KANTR: variants seen among roughly 807,000 people sequenced by gnomAD.
KANTR encodes KANTR integral membrane protein.
exon 1 of KANTR, chrX:53,094,279 T>G (rs1556810475): frequency 9.3e-6 from 1 of 107,215 alleles, no homozygotes; most frequent in African/African-American, 3.4e-5. Flanking sequence ...CGGCCGGAGG[T>G]GTACGGTGAG....
At chrX:53,127,973 A>G (rs1933310360), downstream of KANTR, among the ~76,000 whole-genome samples, 1 of 111,348 alleles carries the variant, frequency 9.0e-6, no homozygotes, top group Non-Finnish European at 1.9e-5. Context: ...GGAGATACCC[A>G]TAGGAGGGTA....
intron 2 of KANTR, among the ~76,000 whole-genome samples, chrX:53,118,829 C>T (rs781976140): frequency 2.7e-5 from 3 of 109,802 alleles, no homozygotes; most frequent in South Asian, 3.9e-4. Flanking sequence ...TGGTCGTGAA[C>T]TCCTGTGCTC....
At chrX:53,112,030 A>T (rs1933049911) in intron 2 of KANTR, among the ~76,000 whole-genome samples, 1 of 110,116 alleles carries the variant, frequency 9.1e-6, no homozygotes, top group Non-Finnish European at 1.9e-5. Context: ...TTACATGGGT[A>T]AATTCTTTAG....
At chrX:53,139,486 G>C (rs1172777406) in intron 2 of KANTR, among the ~76,000 whole-genome samples, 1 of 111,343 alleles carries the variant, frequency 9.0e-6, no homozygotes, top group African/African-American at 3.3e-5. Context: ...ACCAACAAGG[G>C]ATTTGATACC....
downstream of KANTR, among the ~76,000 whole-genome samples, chrX:53,128,389 C>T: frequency 9.0e-6 from 1 of 111,440 alleles, no homozygotes; most frequent in Non-Finnish European, 1.9e-5. Flanking sequence ...CTAAGGAATA[C>T]ACAACCCAGC....
chrX:53,107,323 T>TTG, intron 2 of KANTR, among the ~76,000 whole-genome samples: 1 of 97,796 alleles, frequency 1.0e-5, no homozygotes, highest in African/African-American at 3.9e-5. Context: ...TTTTTTTTTT[T>TTG]GTAGAGACAG....
At chrX:53,118,484 G>C (rs1343874612) in intron 2 of KANTR, among the ~76,000 whole-genome samples, 8 of 111,758 alleles carry the variant, frequency 7.2e-5, no homozygotes, top group Non-Finnish European at 1.9e-5. Context: ...AATTTTTCTG[G>C]GTACAATGGC....
chrX:53,137,823 A>G (rs1027885434), intron 2 of KANTR, among the ~76,000 whole-genome samples: 1 of 108,869 alleles, frequency 9.2e-6, no homozygotes, highest in Non-Finnish European at 1.9e-5. Context: ...TTATCATTCT[A>G]TATCTTGTTT....
intron 2 of KANTR, among the ~76,000 whole-genome samples, chrX:53,112,005 A>AC (rs1933049628): frequency 9.0e-6 from 1 of 110,523 alleles, no homozygotes; most frequent in Non-Finnish European, 1.9e-5. Flanking sequence ...TTTTTGGGGA[A>AC]CAGGTGGTGG....
intron 2 of KANTR, among the ~76,000 whole-genome samples, chrX:53,133,728 C>G (rs1252486576): frequency 9.0e-6 from 1 of 111,459 alleles, no homozygotes; most frequent in East Asian, 2.8e-4. Flanking sequence ...TTAGAGCGGC[C>G]CATTCCCTGT....
chrX:53,141,892 C>T (rs1391928426), exon 3 of KANTR: 17 of 484,445 alleles, frequency 3.5e-5, no homozygotes, highest in Admixed American at 2.0e-4. Flanking sequence ...TAACAGCCCA[C>T]GGTGTTCTGG....
At chrX:53,120,776 C>T (rs1009806552) in intron 2 of KANTR, among the ~76,000 whole-genome samples, 4 of 111,050 alleles carry the variant, frequency 3.6e-5, no homozygotes, top group Non-Finnish European at 7.5e-5. Flanking sequence ...GGCTGGAGTG[C>T]AGTGGCGTGA....
chrX:53,127,251 T>A (rs1356522717), exon 3 of KANTR: 2 of 112,311 alleles, frequency 1.8e-5, no homozygotes, highest in Admixed American at 1.9e-4. Flanking sequence ...TATGTATGTT[T>A]TTCTACAAAG....
downstream of KANTR, among the ~76,000 whole-genome samples, chrX:53,130,159 G>A (rs944193114): frequency 3.6e-5 from 4 of 112,003 alleles, no homozygotes; most frequent in African/African-American, 6.5e-5. Flanking sequence ...GAGCCACCGC[G>A]CCTGACCCTA....
downstream of KANTR, among the ~76,000 whole-genome samples, chrX:53,144,198 CA>C (rs1414842052): frequency 2.7e-5 from 3 of 111,378 alleles, no homozygotes; most frequent in Non-Finnish European, 5.6e-5. Context: ...AGTTCGAGAC[CA>C]GCTTGGGAAA....
At chrX:53,143,416 G>A (rs1377286686), downstream of KANTR, 35 of 634,894 alleles carry the variant, frequency 5.5e-5, no homozygotes, top group South Asian at 2.7e-4. Flanking sequence ...CATGGCCCTC[G>A]TAGATGGGTA....
At chrX:53,097,349 A>C (rs1347911990) in intron 1 of KANTR, among the ~76,000 whole-genome samples, 1 of 42,527 alleles carries the variant, frequency 2.4e-5, no homozygotes. Flanking sequence ...ATTTGTTTTA[A>C]GTTTTTTTTT....
intron 2 of KANTR, among the ~76,000 whole-genome samples, chrX:53,137,895 C>A (rs1556817885): frequency 9.1e-6 from 1 of 109,498 alleles, no homozygotes; most frequent in Non-Finnish European, 1.9e-5. Context: ...TGGCCTATAT[C>A]TTGGTTTTTT....
exon 3 of KANTR, chrX:53,124,990 T>C (rs1933276716): frequency 8.9e-6 from 1 of 112,160 alleles, no homozygotes; most frequent in Non-Finnish European, 1.9e-5. Context: ...GGTCATTATC[T>C]ACTGATAATT....
Sources: gnomAD v4.1 joint callset for allele counts (sites outside exome capture counted in the v4.1 genomes callset) on GRCh38, gnomAD v4.1.1 for gene constraint, MANE v1.5 for transcripts, NCBI Gene and HGNC (gene_info 2026-07-23, HGNC 2026-07-21) for gene names.